The following B4GALNT1 variants were observed in gnomAD, a reference collection of about 807,000 sequenced individuals.
B4GALNT1 encodes beta-1,4 N-acetylgalactosaminyltransferase 1.
Under a neutral mutation model 55.2 loss-of-function variants are expected in B4GALNT1, and 43 were observed. The observed-to-expected ratio is 0.78, with a 90% CI of 0.61 to 1.00. The LOEUF (loss-of-function observed/expected upper bound fraction) is 1.00, where lower values mean the gene tolerates loss of function less well. Ranked by LOEUF, B4GALNT1 falls within the 50% of genes least tolerant of loss-of-function variation. The probability of loss-of-function intolerance (pLI) is 0.00; values close to 1 mark genes in which losing one functional copy is unlikely to be tolerated. For synonymous variants in B4GALNT1, 305 were observed against 311.6 expected, an observed-to-expected ratio of 0.98 and a Z score of 0.22; for missense variants, 664 against 729.7, an observed-to-expected ratio of 0.91 and a Z score of 1.04.
Position 57,627,766 on chromosome 12 carries a change from G to A in B4GALNT1, c.1236C>T (p.Cys412=). The A allele has an allele frequency of 6.2e-7, 1 of 1,607,256 alleles. No individual in the cohort carries two copies. Among genetic ancestry groups the A allele is most frequent in the Non-Finnish European group, 8.5e-7 (1 of 1,176,728 alleles). The part of the protein sequence containing the change: ...VEPGAPGLGN[C]LRQRRGFHHE... ...GGTGGAAGCCGCGCCTTTGCCGGAGGCAGTTCCCGAGGCCTGGGGCGCCGG... is the reference window on the plus strand; with the variant it reads ...GGTGGAAGCCGCGCCTTTGCCGGAGACAGTTCCCGAGGCCTGGGGCGCCGG... The change falls in exon 10 of 11, where the codon TGC becomes TGT. Residue 412 remains cysteine (C), a synonymous_variant. Transcript: ENST00000341156.
Position 57,632,999 on chromosome 12 carries a change from G to A in B4GALNT1, c.-229C>T, listed in dbSNP as rs1383109455. The A allele has an allele frequency of 1.3e-5, 2 of 152,436 alleles. No individual in the cohort carries two copies. The highest frequency in any genetic ancestry group is 2.9e-5 in the Non-Finnish European group (2 of 68,222). The allele number at this position is 152,436 out of a possible 1,614,324, so 9.4% of individuals were successfully genotyped here. A position where few individuals can be genotyped will look rare whatever the true frequency, so the allele number is the denominator to read the frequency against. On this transcript the variant is annotated 5_prime_UTR_variant, in exon 1 of 11. Transcript: ENST00000341156. ...GCGGTGGTGGTTCTGGGCGTTTCCT[G>A]CCCGGGGGCGGTTGGCGGGGCGCGA...
chr12:57,624,890 A>T lies in B4GALNT1; in HGVS notation c.*1854T>A. The T allele has an allele frequency of 1.2e-6, 2 of 1,614,152 alleles. No individual in the cohort carries two copies. The highest frequency in any genetic ancestry group is 4.5e-5 in the East Asian group (2 of 44,884). ...GCTCCTCCAGGTCCCGGGGCTCTGC[A>T]TCCTGAGCTATCCAACACCACTGTA... is the stretch of plus-strand genomic sequence containing the variant. On this transcript the variant is annotated 3_prime_UTR_variant, in exon 11 of 11. Transcript: ENST00000341156.
chr12:57,625,800 G>T lies in B4GALNT1; in HGVS notation c.*944C>A. The T allele has an allele frequency of 6.7e-7, 1 of 1,483,622 alleles. No homozygotes were observed. The allele number at this position is 1,483,622 out of a possible 1,614,324, so 91.9% of individuals were successfully genotyped here. On this transcript the variant is annotated 3_prime_UTR_variant, in exon 11 of 11. Transcript: ENST00000341156. The stretch of plus-strand genomic sequence containing the variant: ...AGAGGGGTTTGGGAAAGGGTCTGAG[G>T]AAGATCAAGAAGAAAAGGGTGGGGA...
rs530842292 is a variant in B4GALNT1 at position 57,623,537 on chromosome 12, T to C, written c.*3207A>G. 90 of 493,060 alleles carry C rather than the reference T, an allele frequency of 1.8e-4. No individual in the cohort carries two copies. Among genetic ancestry groups the C allele is most frequent in the African/African-American group, 1.5e-3 (77 of 51,534 alleles). The allele number at this position is 493,060 out of a possible 1,614,324, so 30.5% of individuals were successfully genotyped here. On this transcript the variant is annotated 3_prime_UTR_variant, in exon 11 of 11. Transcript: ENST00000341156. ...ACTTTGCTGGTGCCCTAAACACATA[T>C]ACCCTGCTTATAGGGTAACCCAACA...
chr12:57,629,876 C>G, intron 6 of B4GALNT1: 1 of 1,528,450 alleles, frequency 6.5e-7, no homozygotes, highest in Non-Finnish European at 8.8e-7. Flanking sequence ...CTTCTAACTC[C>G]TTAGACAAGT....
In B4GALNT1 at chr12:57,631,268, G is replaced by A; in HGVS notation, c.315C>T (p.Ala105=). The A allele has an allele frequency of 6.2e-7, 1 of 1,614,192 alleles. No homozygotes were observed. Among genetic ancestry groups the A allele is most frequent in the Non-Finnish European group, 8.5e-7 (1 of 1,180,032 alleles). The change falls in exon 3 of 11, where the codon GCC becomes GCT. Residue 105 remains alanine, a synonymous_variant. Transcript: ENST00000341156. ...KQVRAIDLTK[A]FDPAELRAAS... ...CAGCCCTCAGCTCTGCAGGGTCAAA[G>A]GCCTTGGTGAGGTCAATAGCTCGGA...
In B4GALNT1 at chr12:57,631,381, G is replaced by C. The variant is rs188144652; in HGVS notation, c.219-17C>G. ...GCCAGCAGCCTGAAGGGGGTAGGTA[G>C]TGAGGGTCATCAGAGCCCAGCTACA... On this transcript the variant is annotated splice_polypyrimidine_tract_variant and intron_variant, in intron 2 of 10. Transcript: ENST00000341156. 1.9e-6 allele frequency: 3 copies of C among 1,613,784 alleles called. No individual in the cohort carries two copies. The Admixed American group carries it at 5.0e-5, about 27-fold the overall frequency.
chr12:57,629,254 G>T, intron 6 of B4GALNT1, 108 bp from the exon 7 acceptor site: 1 of 906,340 alleles, frequency 1.1e-6, no homozygotes, highest in Non-Finnish European at 1.6e-6. Flanking sequence ...CTAGGCCTTG[G>T]TGGACAAGAA....
In B4GALNT1 at chr12:57,631,032, C is replaced by T. The variant is rs755581518; in HGVS notation, c.438G>A (p.Gln146=). 1.2e-6 allele frequency: 2 copies of T among 1,613,276 alleles called. No individual in the cohort carries two copies. Among genetic ancestry groups the T allele is most frequent in the Non-Finnish European group, 1.7e-6 (2 of 1,179,806 alleles). The change falls in exon 4 of 11, where the codon CAG becomes CAA. Residue 146 remains glutamine (Q), a synonymous_variant. Coordinates refer to ENST00000341156, the MANE Select transcript of B4GALNT1 (RefSeq NM_001478.5). ...GAACTTCCACACCCTGTAGGGGGTA[C>T]TGGAGCGGGGAGTTGGCAGGGGCTA... ...LLIAPANSPL[Q]YPLQGVEVQP...
chr12:57,628,562 G>A, intron 8 of B4GALNT1, 151 bp downstream of exon 8: 4 of 1,014,232 alleles, frequency 3.9e-6, no homozygotes, highest in East Asian at 2.6e-5. Flanking sequence ...CTGCTCCCAC[G>A]AAGCTTACAT....
chr12:57,625,785 G>C lies in B4GALNT1; in HGVS notation c.*959C>G. On this transcript the variant is annotated 3_prime_UTR_variant, in exon 11 of 11. Transcript: ENST00000341156. ...GCTGGAGACCCAGGGAGAGGGGTTT[G>C]GGAAAGGGTCTGAGGAAGATCAAGA... The C allele has an allele frequency of 4.6e-6, 7 of 1,507,250 alleles. No individual in the cohort carries two copies. Among genetic ancestry groups the C allele is most frequent in the Non-Finnish European group, 6.2e-6 (7 of 1,131,264 alleles). 93.4% of individuals were successfully genotyped at this position (1,507,250 alleles called of 1,614,324 possible). A position where few individuals can be genotyped will look rare whatever the true frequency, so the allele number is the denominator to read the frequency against.
chr12:57,630,574 C>T, intron 4 of B4GALNT1, 56 bp from the exon 5 acceptor site: 1 of 1,535,986 alleles, frequency 6.5e-7, no homozygotes, highest in Non-Finnish European at 8.8e-7. Flanking sequence ...AATTCTTTCT[C>T]ATTTTCTCTC....
chr12:57,627,935 C>T, intron 9 of B4GALNT1, 77 bp from the exon 10 acceptor site: 1 of 1,474,524 alleles, frequency 6.8e-7, no homozygotes, highest in East Asian at 2.4e-5. Context: ...CGCTCCGGTG[C>T]CTTCGGGGGT....
At position 57,628,245 on chromosome 12, in the gene B4GALNT1, C is replaced by G. The variant is rs1432916513; in HGVS notation, c.1020G>C (p.Arg340=). 6.2e-7 allele frequency: 1 copy of G among 1,614,260 alleles called. No homozygotes were observed. Among genetic ancestry groups the G allele is most frequent in the South Asian group, 1.1e-5 (1 of 91,076 alleles). ...MPFGKGWFAG[R]NLAVSQVTTK... ...TGGTTACTTGAGACACGGCCAGGTT[C>G]CGGCCTGCGAACCAGCCCTGGCAGA... The change falls in exon 9 of 11, where the codon CGG becomes CGC. Residue 340 remains arginine (R), a synonymous_variant. Transcript: ENST00000341156.
intron 4 of B4GALNT1, 98 bp downstream of exon 4, chr12:57,630,882 A>T: frequency 1.7e-6 from 2 of 1,204,878 alleles, no homozygotes; most frequent in Admixed American, 4.0e-5. Context: ...AGAGGTTCCC[A>T]CCTCCCATTC....
chr12:57,625,109 T>A lies in B4GALNT1; in HGVS notation c.*1635A>T, dbSNP rs1884715868. On this transcript the variant is annotated 3_prime_UTR_variant, in exon 11 of 11. Coordinates refer to ENST00000341156, the MANE Select transcript of B4GALNT1 (RefSeq NM_001478.5). ...TGTGTTTCGGGAGTGGTGACTGCCC[T>A]TCTTTACTTATAGGAGACTTCAAAG... The A allele has an allele frequency of 6.2e-7, 1 of 1,614,102 alleles. No homozygotes were observed. The highest frequency in any genetic ancestry group is 2.2e-5 in the East Asian group (1 of 44,878).
Position 57,625,676 on chromosome 12 carries a change from C to G in B4GALNT1, c.*1068G>C, listed in dbSNP as rs1019022516. 3.8e-6 allele frequency: 6 copies of G among 1,575,400 alleles called. No individual in the cohort carries two copies. Among genetic ancestry groups the G allele is most frequent in the Non-Finnish European group, 5.2e-6 (6 of 1,161,864 alleles). On this transcript the variant is annotated 3_prime_UTR_variant, in exon 11 of 11. Transcript: ENST00000341156. ...GTGTGCAGGATGCAGCTGCTTATGCCCTGGGGAGCCTGTTAAGGGGCAGTA... is the reference window on the plus strand; with the variant it reads ...GTGTGCAGGATGCAGCTGCTTATGCGCTGGGGAGCCTGTTAAGGGGCAGTA...
Position 57,629,029 on chromosome 12 carries a change from C to G in B4GALNT1, c.811+19G>C. The G allele has an allele frequency of 6.3e-7, 1 of 1,584,404 alleles. No individual in the cohort carries two copies. Among genetic ancestry groups the G allele is most frequent in the Non-Finnish European group, 8.6e-7 (1 of 1,160,824 alleles). ...CACCAAGGCTGGTTCTAATATGTCC[C>G]TGCCCCTACCAGCCTCACCTCCCTG... On this transcript the variant is annotated intron_variant, in intron 7 of 10. Transcript: ENST00000341156.
chr12:57,629,305 T>A (rs528230475), intron 6 of B4GALNT1, 159 bp from the exon 7 acceptor site: 2 of 556,358 alleles, frequency 3.6e-6, no homozygotes, highest in African/African-American at 1.9e-5. Context: ...TTCTAATGGG[T>A]AGGAGAAAAA....
Sources: allele counts gnomAD v4.1 joint callset, GRCh38; gene constraint gnomAD v4.1.1; transcripts MANE v1.5; gene names NCBI Gene and HGNC (gene_info 2026-07-23, HGNC 2026-07-21).